Variants in CLVS2 observed in about 807,000 individuals in gnomAD.
CLVS2 encodes clavesin-2.
In CLVS2, 19 loss-of-function variants were observed where a neutral mutation model predicts 29.0. The observed-to-expected ratio is 0.66, with a 90% CI of 0.46 to 0.96. CLVS2 has a LOEUF of 0.96. Among genes scored for constraint, CLVS2 ranks in the 40% least tolerant of loss-of-function variants. The probability of loss-of-function intolerance (pLI) is 0.00; values close to 1 mark genes in which losing one functional copy is unlikely to be tolerated. For synonymous variants in CLVS2, 161 were observed against 151.3 expected (o/e 1.06, Z -0.47); for missense variants, 294 against 404.1 (o/e 0.73, Z 2.34).
chr6:123,007,025 C>T (rs755107837), intron 2 of CLVS2, among the ~76,000 whole-genome samples: 5 of 152,118 alleles, frequency 3.3e-5, no homozygotes, highest in Non-Finnish European at 5.9e-5. Flanking sequence ...CAGCAATAAT[C>T]GCAGAAAATA....
At chr6:123,023,476 T>A (rs1039476725) in intron 3 of CLVS2, among the ~76,000 whole-genome samples, 1 of 152,084 alleles carries the variant, frequency 6.6e-6, no homozygotes, top group East Asian at 1.9e-4. Context: ...TTCTTTTCCC[T>A]TGGAGGCTTC....
At chr6:123,034,591 CTGAAGGGGTAGCA>C (rs1358518115) in intron 3 of CLVS2, among the ~76,000 whole-genome samples, 2 of 152,110 alleles carry the variant, frequency 1.3e-5, no homozygotes. Flanking sequence ...GAGCGTTACT[CTGAAGGGGTAGCA>C]TGAAGCAGCC....
At position 123,064,499 on chromosome 6, in the gene CLVS2, G is replaced by A. The variant is rs1344457735; in HGVS notation, c.*738G>A. ...TCTTCACAATGTGCCCTTTATTCAA[G>A]ACCCTATTATATTTCTTCCTAATGT... On this transcript the variant is annotated 3_prime_UTR_variant, in exon 6 of 6. Transcript: ENST00000275162. 1.3e-5 allele frequency: 2 copies of A among 151,718 alleles called. No homozygotes were observed. The highest frequency in any genetic ancestry group is 4.8e-5 in the African/African-American group (2 of 41,344). The allele number at this position is 151,718 out of a possible 1,614,324, so 9.4% of individuals were successfully genotyped here.
intron 2 of CLVS2, among the ~76,000 whole-genome samples, chr6:123,001,493 T>C (rs1230596853): frequency 6.6e-6 from 1 of 152,256 alleles, no homozygotes; most frequent in East Asian, 1.9e-4. Context: ...GATGACCTGT[T>C]ACATTTATTG....
intron 3 of CLVS2, among the ~76,000 whole-genome samples, chr6:123,039,026 C>G (rs1486599872): frequency 2.0e-5 from 3 of 152,166 alleles, no homozygotes; most frequent in African/African-American, 7.2e-5. Context: ...TTGCCAAACC[C>G]TCGCAGCACT....
intron 3 of CLVS2, among the ~76,000 whole-genome samples, chr6:123,044,360 T>C (rs1450642094): frequency 6.6e-6 from 1 of 152,124 alleles, no homozygotes; most frequent in East Asian, 1.9e-4. Context: ...TTTAGATAGA[T>C]CTCAATCAAT....
rs1489893046 is a variant in CLVS2, at chr6:123,067,783, G to A, written c.*4022G>A. The A allele has an allele frequency of 6.6e-6, 1 of 151,620 alleles. No individual in the cohort carries two copies. The highest frequency in any genetic ancestry group is 2.4e-5 in the African/African-American group (1 of 41,356). 9.4% of individuals were successfully genotyped at this position (151,620 alleles called of 1,614,324 possible). Reference sequence around the variant, plus strand: ...GAGGCAGATTATAAACCAACATATTGGAACAAAAGAAGATTGGTTAAATAT... The same window carrying A: ...GAGGCAGATTATAAACCAACATATTAGAACAAAAGAAGATTGGTTAAATAT... On this transcript the variant is annotated 3_prime_UTR_variant, in exon 6 of 6. Transcript: ENST00000275162.
chr6:123,053,788 A>G (rs1236238769), intron 4 of CLVS2, among the ~76,000 whole-genome samples: 1 of 152,180 alleles, frequency 6.6e-6, no homozygotes, highest in Non-Finnish European at 1.5e-5. Flanking sequence ...GGAAAGATCC[A>G]GCAGAGAGAG....
intron 3 of CLVS2, among the ~76,000 whole-genome samples, chr6:123,046,658 CAA>C (rs34421196): frequency 0.76 from 109,993 of 144,058 alleles, 41,518 homozygotes; most frequent in East Asian, 0.9. Context: ...AACTCAGTCT[CAA>C]AAAAAAAAAA....
At chr6:123,025,154 G>A (rs1470227077) in intron 3 of CLVS2, among the ~76,000 whole-genome samples, 1 of 151,970 alleles carries the variant, frequency 6.6e-6, no homozygotes, top group Non-Finnish European at 1.5e-5. Context: ...CGAGAATAAG[G>A]GGGTTGCCCA....
intron 3 of CLVS2, among the ~76,000 whole-genome samples, chr6:123,040,689 A>G (rs1171877212): frequency 6.6e-6 from 1 of 151,250 alleles, no homozygotes; most frequent in Non-Finnish European, 1.5e-5. Flanking sequence ...GCTACTCGGG[A>G]GTCGGGAGGC....
At position 123,067,977 on chromosome 6, in the gene CLVS2, C is replaced by T. The variant is rs1772889205; in HGVS notation, c.*4216C>T. 6.6e-6 allele frequency: 1 copy of T among 151,600 alleles called. No homozygotes were observed. The highest frequency in any genetic ancestry group is 2.1e-4 in the South Asian group (1 of 4,828). 9.4% of individuals were successfully genotyped at this position (151,600 alleles called of 1,614,324 possible). On this transcript the variant is annotated 3_prime_UTR_variant, in exon 6 of 6. Transcript: ENST00000275162. ...ATACAAAAGAAGCTTGGCTTTGTAA[C>T]ATTATTATATTATGATCTCAATGGC...
intron 3 of CLVS2, among the ~76,000 whole-genome samples, chr6:123,043,773 A>T (rs1775267848): frequency 6.6e-6 from 1 of 152,208 alleles, no homozygotes; most frequent in Non-Finnish European, 1.5e-5. Context: ...TATTTTCTTC[A>T]TAAATCAGAC....
intron 4 of CLVS2, among the ~76,000 whole-genome samples, chr6:123,049,813 G>GGT (rs1247383064): frequency 3.3e-5 from 5 of 151,160 alleles, no homozygotes; most frequent in South Asian, 2.1e-4. Flanking sequence ...ATGGGGGGCG[G>GGT]GGAGGAATAG....
intron 4 of CLVS2, 69 bp downstream of exon 4, chr6:123,048,801 TATA>T: frequency 2.1e-6 from 2 of 941,094 alleles, no homozygotes; most frequent in Non-Finnish European, 3.5e-6. Context: ...ATAATGTGTA[TATA>T]ATGTTAGCTA....
intron 3 of CLVS2, among the ~76,000 whole-genome samples, chr6:123,024,954 G>C (rs891033454): frequency 1.3e-5 from 2 of 152,080 alleles, no homozygotes; most frequent in African/African-American, 4.8e-5. Flanking sequence ...GATGAGGGCA[G>C]CTATCCCAAT....
At position 123,071,971 on chromosome 6, in the gene CLVS2, A is replaced by G. The variant is rs112869777; in HGVS notation, c.*8210A>G. 1.1e-4 allele frequency: 16 copies of G among 152,036 alleles called. No homozygotes were observed. Among genetic ancestry groups the G allele is most frequent in the African/African-American group, 3.9e-4 (16 of 41,438 alleles). 9.4% of individuals were successfully genotyped at this position (152,036 alleles called of 1,614,324 possible). A position where few individuals can be genotyped will look rare whatever the true frequency, so the allele number is the denominator to read the frequency against. On this transcript the variant is annotated 3_prime_UTR_variant, in exon 6 of 6. Transcript: ENST00000275162. Reference sequence around the variant, plus strand: ...TCAGCTATCATTTTTAGAGCCTTACAGTCACAATTGTTCTTAACTATCCCA... The same window carrying G: ...TCAGCTATCATTTTTAGAGCCTTACGGTCACAATTGTTCTTAACTATCCCA...
chr6:123,065,284 A>G lies in CLVS2; in HGVS notation c.*1523A>G, dbSNP rs2114374335. On this transcript the variant is annotated 3_prime_UTR_variant, in exon 6 of 6. Transcript: ENST00000275162. Reference sequence around the variant, plus strand: ...TTTGAGATTGAGAGTTTACCATTAAAGTATTCTTTTGGAAGAAAAATATCT... The same window carrying G: ...TTTGAGATTGAGAGTTTACCATTAAGGTATTCTTTTGGAAGAAAAATATCT... 1 of 152,028 alleles carries G rather than the reference A, an allele frequency of 6.6e-6. No individual in the cohort carries two copies. Among genetic ancestry groups the G allele is most frequent in the East Asian group, 1.9e-4 (1 of 5,192 alleles). 9.4% of individuals were successfully genotyped at this position (152,028 alleles called of 1,614,324 possible). A position where few individuals can be genotyped will look rare whatever the true frequency, so the allele number is the denominator to read the frequency against.
chr6:123,064,037 T>C lies in CLVS2; in HGVS notation c.*276T>C, dbSNP rs1403872667. 1 of 277,086 alleles carries C rather than the reference T, an allele frequency of 3.6e-6. No homozygotes were observed. Among genetic ancestry groups the C allele is most frequent in the African/African-American group, 2.2e-5 (1 of 45,088 alleles). The allele number at this position is 277,086 out of a possible 1,614,324, so 17.2% of individuals were successfully genotyped here. On this transcript the variant is annotated 3_prime_UTR_variant, in exon 6 of 6. Transcript: ENST00000275162. ...TGTAAATTTCAGTAGTAACTCAGTT[T>C]GGAAAAAGGTTGGCTCAAAAGTCCA...
Sources: gnomAD v4.1 joint callset for allele counts (sites outside exome capture counted in the v4.1 genomes callset) on GRCh38, gnomAD v4.1.1 for gene constraint, MANE v1.5 for transcripts, NCBI Gene and HGNC (gene_info 2026-07-23, HGNC 2026-07-21) for gene names.